C12orf75: variants seen among roughly 807,000 people sequenced by gnomAD.
C12orf75 encodes the protein overexpressed in colon carcinoma 1 protein.
In C12orf75, 4 loss-of-function variants were observed where a neutral mutation model predicts 11.4. The ratio of observed to expected loss-of-function variants is 0.35; its 90% confidence interval spans 0.17 to 0.80. The LOEUF is 0.80. Among genes scored for constraint, C12orf75 ranks in the 30% least tolerant of loss-of-function variants. The pLI is 0.52. For synonymous variants in C12orf75, 30 were observed against 30.0 expected, an observed-to-expected ratio of 1.00 and a Z score of 0.00; for missense variants, 89 against 80.4, an observed-to-expected ratio of 1.11 and a Z score of -0.41.
chr12:105,356,285 C>G (rs1214209194), intron 2 of C12orf75, among the ~76,000 whole-genome samples: 1 of 151,944 alleles, frequency 6.6e-6, no homozygotes, highest in Non-Finnish European at 1.5e-5. Flanking sequence ...ATTAATAAAC[C>G]TATTCCAGAA....
In C12orf75 at chr12:105,330,948, C is replaced by T; in HGVS notation, c.46+11C>T. 2.6e-6 allele frequency: 3 copies of T among 1,144,262 alleles called. No homozygotes were observed. The highest frequency in any genetic ancestry group is 3.3e-6 in the Non-Finnish European group (3 of 908,980). 70.9% of individuals were successfully genotyped at this position (1,144,262 alleles called of 1,614,324 possible). A position where few individuals can be genotyped will look rare whatever the true frequency, so the allele number is the denominator to read the frequency against. ...CGGGCGCGGGCCAAGGTGAGTCCGG[C>T]GGGAGGCGGGGGCCGGCGGGGGCGG... is the stretch of plus-strand genomic sequence containing the variant. On this transcript the variant is annotated intron_variant, in intron 1 of 5. Transcript: ENST00000443585.
At chr12:105,340,964 T>C (rs952627753) in intron 1 of C12orf75, among the ~76,000 whole-genome samples, 1 of 152,122 alleles carries the variant, frequency 6.6e-6, no homozygotes, top group Non-Finnish European at 1.5e-5. Flanking sequence ...TGGAAGGAGT[T>C]TGGATCTGCT....
chr12:105,366,451 C>G (rs17248053), intron 3 of C12orf75, 166 bp from the exon 4 acceptor site: 10,600 of 402,310 alleles, frequency 0.026, 252 homozygotes, highest in Non-Finnish European at 0.028. Context: ...TCTTTTTAAC[C>G]TAGGAAACCA....
intron 1 of C12orf75, among the ~76,000 whole-genome samples, chr12:105,339,809 G>A (rs939346333): frequency 4.6e-5 from 7 of 151,748 alleles, no homozygotes; most frequent in African/African-American, 1.7e-4. Context: ...GTAGAGACGG[G>A]GTTTCACTGT....
chr12:105,331,350 G>C lies in C12orf75; in HGVS notation c.46+413G>C, dbSNP rs1892420180. ...GAACCAAGGCGCTGCACCTGGAAAA[G>C]TGCAGCAGAGCAAGACAGGACTTTT... On this transcript the variant is annotated intron_variant, in intron 1 of 5. Coordinates refer to ENST00000443585, the MANE Select transcript of C12orf75 (RefSeq NM_001145199.2). 2.0e-5 allele frequency among the ~76,000 whole-genome samples: 3 copies of C among 152,004 alleles called. No homozygotes were observed. The South Asian group carries it at 6.2e-4, about 31-fold the overall frequency.
At chr12:105,369,478 C>T (rs1871569683) in intron 5 of C12orf75, among the ~76,000 whole-genome samples, 1 of 151,972 alleles carries the variant, frequency 6.6e-6, no homozygotes, top group Non-Finnish European at 1.5e-5. Flanking sequence ...TTCTGGGATA[C>T]ATGTGCTGAA....
At chr12:105,361,184 A>C (rs558649523) in intron 2 of C12orf75, among the ~76,000 whole-genome samples, 205 of 152,172 alleles carry the variant, frequency 1.3e-3, no homozygotes, top group African/African-American at 4.8e-3. Context: ...GCACACCACC[A>C]CACCTGGCTA....
intron 1 of C12orf75, among the ~76,000 whole-genome samples, chr12:105,342,179 A>C (rs1892583274): frequency 6.6e-6 from 1 of 152,244 alleles, no homozygotes; most frequent in Non-Finnish European, 1.5e-5. Context: ...TACCCAATGC[A>C]GTAGTGTTGG....
intron 2 of C12orf75, among the ~76,000 whole-genome samples, chr12:105,357,120 C>T (rs566877591): frequency 2.0e-5 from 3 of 152,272 alleles, no homozygotes; most frequent in Admixed American, 6.5e-5. Context: ...CATTCAATGT[C>T]TCCAGTTCAT....
At position 105,370,970 on chromosome 12, in the gene C12orf75, T is replaced by C. The variant is rs1871609707; in HGVS notation, c.*370T>C. 4.7e-6 allele frequency: 1 copy of C among 215,040 alleles called. No individual in the cohort carries two copies. Among genetic ancestry groups the C allele is most frequent in the Non-Finnish European group, 9.7e-6 (1 of 102,788 alleles). The allele number at this position is 215,040 out of a possible 1,614,324, so 13.3% of individuals were successfully genotyped here. On this transcript the variant is annotated 3_prime_UTR_variant, in exon 6 of 6. Coordinates refer to ENST00000443585, the MANE Select transcript of C12orf75 (RefSeq NM_001145199.2). ...AGGTCATGTCTTTTCACTGATACTTTTTTGATAGTTTTTATATAACAAAAT... is the reference window on the plus strand; with the variant it reads ...AGGTCATGTCTTTTCACTGATACTTCTTTGATAGTTTTTATATAACAAAAT...
chr12:105,336,805 G>A (rs1025690831), intron 1 of C12orf75, among the ~76,000 whole-genome samples: 1 of 152,134 alleles, frequency 6.6e-6, no homozygotes, highest in African/African-American at 2.4e-5. Context: ...GTAGTAAGGG[G>A]CAGGTGATCA....
intron 5 of C12orf75, among the ~76,000 whole-genome samples, chr12:105,370,078 T>A (rs1398485631): frequency 6.6e-6 from 1 of 152,222 alleles, no homozygotes; most frequent in Non-Finnish European, 1.5e-5. Flanking sequence ...GATTTCAGAA[T>A]CCCTTAAAAT....
chr12:105,346,207 C>T (rs896273263), intron 1 of C12orf75, among the ~76,000 whole-genome samples: 3 of 152,082 alleles, frequency 2.0e-5, no homozygotes, highest in South Asian at 2.1e-4. Flanking sequence ...CAGTGTACAT[C>T]GTACAGGTAT....
In C12orf75 at chr12:105,363,701, G is replaced by A. The variant is rs1014574442; in HGVS notation, c.72-2106G>A. 7.3e-5 allele frequency among the ~76,000 whole-genome samples: 11 copies of A among 151,382 alleles called. No homozygotes were observed. The South Asian group carries it at 1.7e-3, about 23-fold the overall frequency. ...GATTGTGCCACTGCACTCCAGGCTG[G>A]TGACAGAGCAAGACTCTGTCTTAAT... On this transcript the variant is annotated intron_variant, in intron 2 of 5. Transcript: ENST00000443585.
chr12:105,346,731 G>A (rs1473466673), intron 1 of C12orf75, among the ~76,000 whole-genome samples: 2 of 152,166 alleles, frequency 1.3e-5, no homozygotes, highest in Non-Finnish European at 2.9e-5. Flanking sequence ...CTTTTAATTT[G>A]CAGTATTACA....
rs1195297159 is a variant in C12orf75 at position 105,358,639 on chromosome 12, C to T, written c.72-7168C>T. Reference sequence around the variant, plus strand: ...ATTTTTTCAAATGTTGCATTACTTTCCACAAATTTTTCAAATGGTATAGAT... The same window carrying T: ...ATTTTTTCAAATGTTGCATTACTTTTCACAAATTTTTCAAATGGTATAGAT... On this transcript the variant is annotated intron_variant, in intron 2 of 5. Transcript: ENST00000443585. 3.9e-5 allele frequency among the ~76,000 whole-genome samples: 6 copies of T among 152,136 alleles called. No individual in the cohort carries two copies. The East Asian group carries it at 9.6e-4, about 24-fold the overall frequency.
chr12:105,370,241 C>T (rs767607429), intron 5 of C12orf75, among the ~76,000 whole-genome samples: 2 of 152,256 alleles, frequency 1.3e-5, no homozygotes, highest in South Asian at 2.1e-4. Context: ...ATCAGAATCC[C>T]GTGGGGGAGT....
intron 2 of C12orf75, among the ~76,000 whole-genome samples, chr12:105,363,620 G>T (rs1390521990): frequency 2.0e-5 from 3 of 152,120 alleles, no homozygotes; most frequent in Non-Finnish European, 4.4e-5. Context: ...AGCTACTCGG[G>T]AGGCTGAGGC....
At chr12:105,361,656 C>G (rs749034110) in intron 2 of C12orf75, among the ~76,000 whole-genome samples, 1 of 152,106 alleles carries the variant, frequency 6.6e-6, no homozygotes, top group Non-Finnish European at 1.5e-5. Flanking sequence ...TACCAGGGGT[C>G]TTTATTGCTG....
Sources: allele counts gnomAD v4.1 joint callset (sites outside exome capture counted in the v4.1 genomes callset), GRCh38; gene constraint gnomAD v4.1.1; transcripts MANE v1.5; gene names NCBI Gene and HGNC (gene_info 2026-07-23, HGNC 2026-07-21).